The following VWA8 variants were observed in gnomAD, a reference collection of about 807,000 sequenced individuals.
The protein encoded by VWA8 is von Willebrand factor A domain containing 8.
In VWA8, 221 loss-of-function variants were observed where a neutral mutation model predicts 241.5. The ratio of observed to expected loss-of-function variants is 0.91; its 90% CI spans 0.82 to 1.02. The LOEUF (loss-of-function observed/expected upper bound fraction) is 1.02, where lower values mean the gene tolerates loss of function less well. Ranked by LOEUF, VWA8 falls within the 50% of genes least tolerant of loss-of-function variation. The pLI is 0.00. For missense variants in VWA8, 2,322 were observed against 2,328.7 expected, an observed-to-expected ratio of 1.00 and a Z score of 0.06; for synonymous variants, 852 against 827.1, an observed-to-expected ratio of 1.03 and a Z score of -0.52.
intron 37 of VWA8, among the ~76,000 whole-genome samples, chr13:41,618,124 T>G (rs1203520442): frequency 6.6e-6 from 1 of 152,216 alleles, no homozygotes; most frequent in Non-Finnish European, 1.5e-5. Flanking sequence ...TTTCTCCACA[T>G]CCTCTCCAGC....
chr13:41,879,976 T>C (rs973310828), intron 9 of VWA8, among the ~76,000 whole-genome samples: 14 of 152,334 alleles, frequency 9.2e-5, no homozygotes, highest in African/African-American at 3.4e-4. Flanking sequence ...TTAATTTTGG[T>C]GAGCCAATAA....
chr13:41,818,535 C>T (rs911396989), intron 15 of VWA8, among the ~76,000 whole-genome samples: 2 of 151,926 alleles, frequency 1.3e-5, no homozygotes, highest in Non-Finnish European at 2.9e-5. Flanking sequence ...ACCACTCCAG[C>T]GTGGGCAATA....
intron 20 of VWA8, among the ~76,000 whole-genome samples, chr13:41,765,569 C>T (rs538094992): frequency 2.0e-5 from 3 of 152,190 alleles, no homozygotes; most frequent in South Asian, 4.1e-4. Context: ...ATAGAGAATC[C>T]TCAGGATTAT....
intron 24 of VWA8, among the ~76,000 whole-genome samples, chr13:41,724,480 C>A (rs1424798434): frequency 6.6e-6 from 1 of 152,098 alleles, no homozygotes; most frequent in Non-Finnish European, 1.5e-5. Flanking sequence ...ACAGCTAGAG[C>A]AGCAACCTTC....
At chr13:41,576,759 G>A (rs1172542724) in intron 42 of VWA8, among the ~76,000 whole-genome samples, 11 of 152,208 alleles carry the variant, frequency 7.2e-5, no homozygotes, top group East Asian at 3.8e-4. Flanking sequence ...TAAAATATAC[G>A]TTATAATAAC....
chr13:41,728,849 A>T (rs1230729353), intron 23 of VWA8, among the ~76,000 whole-genome samples: 1 of 152,054 alleles, frequency 6.6e-6, no homozygotes, highest in Non-Finnish European at 1.5e-5. Flanking sequence ...TTTAGTTATT[A>T]GTCTCAACTT....
intron 21 of VWA8, among the ~76,000 whole-genome samples, chr13:41,737,559 G>A (rs558551233): frequency 6.6e-6 from 1 of 152,258 alleles, no homozygotes; most frequent in East Asian, 1.9e-4. Flanking sequence ...GTTGCTATCC[G>A]ATACAACAAT....
chr13:41,660,879 CTTTTTTTTTT>C (rs918525375), intron 37 of VWA8, among the ~76,000 whole-genome samples: 1 of 141,050 alleles, frequency 7.1e-6, no homozygotes, highest in East Asian at 2.1e-4. Flanking sequence ...AATTGGGTTT[CTTTTTTTTTT>C]TTTTTGAGAC....
chr13:41,728,216 C>A (rs1213459356), intron 23 of VWA8, among the ~76,000 whole-genome samples: 1 of 151,798 alleles, frequency 6.6e-6, no homozygotes, highest in African/African-American at 2.4e-5. Context: ...CCAATACAAC[C>A]AATAGTTTTA....
Position 41,711,269 on chromosome 13 carries a change from G to A in VWA8, c.3117-7858C>T, listed in dbSNP as rs141836999. Among the ~76,000 whole-genome samples, 117 of 152,280 alleles carry A rather than the reference G, an allele frequency of 7.7e-4. 1 individual carries two copies. The highest frequency in any genetic ancestry group is 2.6e-3 in the African/African-American group (109 of 41,564). ...GACAGAAGCTATGAGTTGGAAGGAC[G>A]TTAAGGACTATTTAATTCATTGTTC... On this transcript the variant is annotated intron_variant, in intron 26 of 44. Transcript: ENST00000379310.
chr13:41,783,284 C>G (rs1284395603), intron 19 of VWA8, among the ~76,000 whole-genome samples: 2 of 150,204 alleles, frequency 1.3e-5, no homozygotes, highest in East Asian at 3.9e-4. Context: ...ATCATAGCAA[C>G]CATTCCTCCA....
intron 24 of VWA8, among the ~76,000 whole-genome samples, chr13:41,722,694 G>A (rs558219062): frequency 3.6e-4 from 55 of 152,172 alleles, no homozygotes; most frequent in African/African-American, 1.0e-3. Flanking sequence ...GGTGATGCTG[G>A]GGGAGGTCAG....
At chr13:41,763,308 A>AATAAATAAATAAATAGATAGATAG (rs1555332023) in intron 20 of VWA8, among the ~76,000 whole-genome samples, 11 of 145,886 alleles carry the variant, frequency 7.5e-5, no homozygotes, top group South Asian at 4.4e-4. Context: ...TAAATAAATA[A>AATAAATAAATAAATAGATAGATAG]ATAGATAGAT....
At chr13:41,745,743 C>T (rs1426339465) in intron 21 of VWA8, among the ~76,000 whole-genome samples, 1 of 152,140 alleles carries the variant, frequency 6.6e-6, no homozygotes, top group Non-Finnish European at 1.5e-5. Flanking sequence ...AATAGGAACA[C>T]TTTTACACTG....
chr13:41,662,753 T>C (rs1461553569), intron 37 of VWA8, among the ~76,000 whole-genome samples: 1 of 152,210 alleles, frequency 6.6e-6, no homozygotes, highest in Non-Finnish European at 1.5e-5. Flanking sequence ...GTTTGTTACA[T>C]AGGTATACAT....
At chr13:41,615,286 T>G (rs2044614001) in intron 37 of VWA8, among the ~76,000 whole-genome samples, 1 of 152,158 alleles carries the variant, frequency 6.6e-6, no homozygotes, top group Non-Finnish European at 1.5e-5. Context: ...AAGAACTAAT[T>G]TTTTAAAAAA....
chr13:41,660,485 A>G (rs971573145), intron 37 of VWA8, among the ~76,000 whole-genome samples: 2 of 152,194 alleles, frequency 1.3e-5, no homozygotes, highest in Non-Finnish European at 2.9e-5. Flanking sequence ...ATTTCACTAC[A>G]TTCTTGAGGA....
In VWA8 at chr13:41,680,587, T is replaced by C. The variant is rs191164946; in HGVS notation, c.4327+4460A>G. ...AATAGGCAGTTCTTGGAAGAGCAAA[T>C]GGCAACATATGAAAGGATGCTCAAA... On this transcript the variant is annotated intron_variant, in intron 35 of 44. Transcript: ENST00000379310. Among the ~76,000 whole-genome samples the C allele has an allele frequency of 2.8e-3, 432 of 152,276 alleles. 2 individuals carry two copies. Among genetic ancestry groups the C allele is most frequent in the African/African-American group, 9.7e-3 (403 of 41,564 alleles).
rs114014521 is a variant in VWA8 at position 41,953,219 on chromosome 13, G to A, written c.164-3206C>T. ...TTCTCAGCCTTCTGGCAAAGACCAA[G>A]TATAGACGTAAAGAAAGAGAAGATT... is the stretch of plus-strand genomic sequence containing the variant. On this transcript the variant is annotated intron_variant, in intron 1 of 44. Transcript: ENST00000379310. Among the ~76,000 whole-genome samples, 257 of 152,340 alleles carry A rather than the reference G, an allele frequency of 1.7e-3. 2 individuals are homozygous for A. Among genetic ancestry groups the A allele is most frequent in the African/African-American group, 5.7e-3 (236 of 41,580 alleles).
Sources: allele counts gnomAD v4.1 joint callset (sites outside exome capture counted in the v4.1 genomes callset), GRCh38; gene constraint gnomAD v4.1.1; transcripts MANE v1.5; gene names NCBI Gene and HGNC (gene_info 2026-07-23, HGNC 2026-07-21).